ABCA8: variants seen among roughly 807,000 people sequenced by gnomAD.
The protein encoded by ABCA8 is ABC-type organic anion transporter ABCA8.
ABCA8 carries 177 observed loss-of-function variants against 192.3 expected under a neutral mutation model. The observed-to-expected ratio is 0.92, with a 90% CI of 0.81 to 1.04. ABCA8 has a LOEUF of 1.04. ABCA8 is among the 50% of genes least tolerant of loss of function. ABCA8 has a pLI of 0.00. For synonymous variants in ABCA8, 642 were observed against 690.2 expected (o/e 0.93, Z 1.09); for missense variants, 1,915 against 1,904.8 (o/e 1.01, Z -0.10).
chr17:68,953,765 T>A (rs1363597182), intron 1 of ABCA8, among the ~76,000 whole-genome samples: 1 of 152,158 alleles, frequency 6.6e-6, no homozygotes, highest in Non-Finnish European at 1.5e-5. Flanking sequence ...AACAATCACA[T>A]CATGTTCTTT....
intron 30 of ABCA8, 93 bp downstream of exon 30, chr17:68,882,506 G>A: frequency 8.6e-7 from 1 of 1,163,442 alleles, no homozygotes; most frequent in East Asian, 2.5e-5. Flanking sequence ...CTAAAATAGT[G>A]ATCCTCATTT....
chr17:68,939,417 G>A (rs1314347949), intron 4 of ABCA8, among the ~76,000 whole-genome samples: 2 of 151,894 alleles, frequency 1.3e-5, no homozygotes, highest in Admixed American at 6.6e-5. Context: ...TGAAAATACC[G>A]CATATCCCCT....
intron 32 of ABCA8, chr17:68,878,957 T>C (rs1182809489): frequency 1.3e-5 from 2 of 152,250 alleles, no homozygotes; most frequent in Non-Finnish European, 2.9e-5. Context: ...GCATCTGCCT[T>C]ATATTCTGTT....
intron 17 of ABCA8, among the ~76,000 whole-genome samples, chr17:68,912,527 T>G (rs576606150): frequency 6.6e-6 from 1 of 152,138 alleles, no homozygotes; most frequent in South Asian, 2.1e-4. Flanking sequence ...AGATAGAAAG[T>G]TTATTCAAGG....
intron 13 of ABCA8, 151 bp from the exon 14 acceptor site, chr17:68,919,627 A>G: frequency 1.5e-6 from 1 of 649,858 alleles, no homozygotes. Context: ...TATATTCAAA[A>G]TATGTTCTCA....
Position 68,926,372 on chromosome 17 carries a change from T to TAATAAGTAGAAGGAGAAA in ABCA8, c.1274-1504_1274-1503insTTTCTCCTTCTACTTATT, listed in dbSNP as rs796307314. ...TAAGTAGAAGGAGAAAAGGAAGAATTAGTAAGCACAAGGGTCACACGAGTA... is the reference window on the plus strand; with the variant it reads ...TAAGTAGAAGGAGAAAAGGAAGAATTAATAAGTAGAAGGAGAAAAGTAAGCACAAGGGTCACACGAGTA... On this transcript the variant is annotated intron_variant, in intron 10 of 39. Coordinates refer to ENST00000586539, the MANE Select transcript of ABCA8 (RefSeq NM_001288985.2). 3.9e-5 allele frequency among the ~76,000 whole-genome samples: 6 copies of TAATAAGTAGAAGGAGAAA among 152,004 alleles called. 1 individual carries two copies. In the South Asian group the frequency reaches 1.2e-3, roughly 32 times the overall value.
rs916439732 is a variant in ABCA8, at chr17:68,905,906, G to C, written c.2398+138C>G. 1.1e-5 allele frequency: 8 copies of C among 752,954 alleles called. No individual in the cohort carries two copies. In the African/African-American group the frequency reaches 1.2e-4, roughly 12 times the overall value. 46.6% of individuals were successfully genotyped at this position (752,954 alleles called of 1,614,324 possible). A position where few individuals can be genotyped will look rare whatever the true frequency, so the allele number is the denominator to read the frequency against. The stretch of plus-strand genomic sequence containing the variant: ...TTTTAACTACAAAGCAATGTTGACA[G>C]GGATGCGTTTCATTTTTACACAAGC... On this transcript the variant is annotated intron_variant, in intron 19 of 39. Transcript: ENST00000586539.
At chr17:68,883,730 G>T in intron 29 of ABCA8, 61 bp downstream of exon 29, 1 of 1,093,080 alleles carries the variant, frequency 9.1e-7, no homozygotes, top group Non-Finnish European at 1.3e-6. Flanking sequence ...ATTGATTTAT[G>T]CATGAAAAAT....
intron 12 of ABCA8, among the ~76,000 whole-genome samples, chr17:68,921,962 A>G (rs138177964): frequency 1.6e-4 from 24 of 152,194 alleles, no homozygotes; most frequent in African/African-American, 4.6e-4. Flanking sequence ...GAATATCCTT[A>G]GACTACCTCA....
intron 8 of ABCA8, 142 bp from the exon 9 acceptor site, chr17:68,929,376 T>A: frequency 9.5e-7 from 1 of 1,052,878 alleles, no homozygotes; most frequent in Non-Finnish European, 1.4e-6. Flanking sequence ...TACAAAACTA[T>A]GCTCTGCAAA....
At position 68,936,961 on chromosome 17, in the gene ABCA8, C is replaced by T. The variant is rs777790876; in HGVS notation, c.456G>A (p.Lys152=). 4.4e-6 allele frequency: 7 copies of T among 1,598,918 alleles called. No individual in the cohort carries two copies. In the East Asian group the frequency reaches 9.0e-5, roughly 21 times the overall value. Residue 152 remains lysine (K), a synonymous_variant, in exon 5 of 40, where the codon AAG becomes AAA. Coordinates refer to ENST00000586539, the MANE Select transcript of ABCA8 (RefSeq NM_001288985.2). ...GHGMPAKKEH[K]DHTAHCYETN... ...GAGCCATAAAATTACCTGTATGGTC[C>T]TTGTGCTCCTTCTTTGCTGGCATTC...
chr17:68,875,427 G>GA, intron 36 of ABCA8, 27 bp from the exon 37 acceptor site: 2 of 1,596,360 alleles, frequency 1.3e-6, no homozygotes, highest in Admixed American at 1.8e-5. Flanking sequence ...TATGAGAAAG[G>GA]AGAAAAAAAA....
chr17:68,933,768 A>G (rs2067977282), intron 5 of ABCA8, among the ~76,000 whole-genome samples: 1 of 152,198 alleles, frequency 6.6e-6, no homozygotes, highest in South Asian at 2.1e-4. Context: ...TTTGAAGAAA[A>G]GGATTTATTC....
intron 11 of ABCA8, among the ~76,000 whole-genome samples, chr17:68,922,598 G>T (rs1183022879): frequency 6.6e-6 from 1 of 151,992 alleles, no homozygotes; most frequent in Non-Finnish European, 1.5e-5. Flanking sequence ...TTGAGAACGG[G>T]ATCACCTCTG....
intron 12 of ABCA8, 33 bp downstream of exon 12, chr17:68,922,209 T>TACC (rs1300006180): frequency 1.8e-4 from 13 of 73,442 alleles, no homozygotes; most frequent in Non-Finnish European, 3.0e-4. Context: ...TTTTTTTTTT[T>TACC]TTTTTTTTTT....
chr17:68,905,247 CAT>C (rs1381451926), intron 19 of ABCA8, among the ~76,000 whole-genome samples: 7 of 151,978 alleles, frequency 4.6e-5, no homozygotes, highest in East Asian at 1.9e-4. Context: ...AATTTCAAGA[CAT>C]ATGAAGAAGC....
intron 18 of ABCA8, 129 bp downstream of exon 18, chr17:68,907,611 T>C: frequency 2.5e-6 from 2 of 810,144 alleles, no homozygotes; most frequent in Non-Finnish European, 3.6e-6. Context: ...TATTGTACTA[T>C]TCTTTTGATT....
rs986161349 is a variant in ABCA8, at chr17:68,920,411, A to T, written c.1613-935T>A. On this transcript the variant is annotated intron_variant, in intron 13 of 39. Transcript: ENST00000586539. ...CCCCCAAACCTAAAATAAAAATTTT[A>T]AAAAATAAAAAAATAAATACCTTAT... 1.1e-4 allele frequency among the ~76,000 whole-genome samples: 16 copies of T among 152,162 alleles called. No homozygotes were observed. The South Asian group carries it at 1.2e-3, about 12-fold the overall frequency.
intron 4 of ABCA8, among the ~76,000 whole-genome samples, chr17:68,940,162 GTTAACC>G (rs1230517932): frequency 1.3e-5 from 2 of 152,098 alleles, no homozygotes; most frequent in Non-Finnish European, 2.9e-5. Flanking sequence ...TACTCGTTAA[GTTAACC>G]TTAACCTTAA....
Sources: gnomAD v4.1 joint callset for allele counts (sites outside exome capture counted in the v4.1 genomes callset) on GRCh38, gnomAD v4.1.1 for gene constraint, MANE v1.5 for transcripts, NCBI Gene and HGNC (gene_info 2026-07-23, HGNC 2026-07-21) for gene names.